CEP164: variants seen among roughly 807,000 people sequenced by gnomAD.
CEP164 encodes the protein centrosomal protein of 164 kDa.
A neutral mutation model predicts 182.7 loss-of-function variants in CEP164; 162 were observed. That is an observed-to-expected ratio of 0.89 (90% CI 0.78 to 1.01). The LOEUF (loss-of-function observed/expected upper bound fraction) is 1.01. Ranked by LOEUF, CEP164 falls within the 50% of genes least tolerant of loss-of-function variation. CEP164 has a pLI of 0.00. For missense variants in CEP164, 1,735 were observed against 1,790.4 expected, an observed-to-expected ratio of 0.97 and a Z score of 0.56; for synonymous variants, 661 against 690.0, an observed-to-expected ratio of 0.96 and a Z score of 0.66.
rs754232233 is a variant in CEP164, at chr11:117,395,472, C to T, written c.2914-75C>T. 1.8e-5 allele frequency: 26 copies of T among 1,477,734 alleles called. No homozygotes were observed. In the Admixed American group the frequency reaches 4.2e-4, roughly 24 times the overall value. 91.5% of individuals were successfully genotyped at this position (1,477,734 alleles called of 1,614,324 possible). On this transcript the variant is annotated intron_variant, in intron 23 of 32. Coordinates refer to ENST00000278935, the MANE Select transcript of CEP164 (RefSeq NM_014956.5). ...AGCCTGTCCTCCTTTGGCTTCCCTA[C>T]CCTCTCGTGCTGTCTGCTCCCTGGC...
chr11:117,404,165 A>G (rs1219606179), intron 27 of CEP164, among the ~76,000 whole-genome samples: 3 of 152,048 alleles, frequency 2.0e-5, no homozygotes, highest in Non-Finnish European at 4.4e-5. Flanking sequence ...CAGTTCGTCA[A>G]ACTCATTCTC....
chr11:117,328,515 C>T (rs2035672469), intron 1 of CEP164, among the ~76,000 whole-genome samples: 2 of 152,224 alleles, frequency 1.3e-5, no homozygotes, highest in South Asian at 4.1e-4. Flanking sequence ...TCTCCTAACT[C>T]AGTCCTTGGC....
intron 27 of CEP164, among the ~76,000 whole-genome samples, chr11:117,405,396 G>C (rs939888003): frequency 2.0e-5 from 3 of 152,130 alleles, no homozygotes; most frequent in Admixed American, 6.5e-5. Context: ...TCTTCCCTTG[G>C]CTAGGGGAGG....
At chr11:117,337,222 C>T (rs562081335) in intron 2 of CEP164, among the ~76,000 whole-genome samples, 11 of 152,104 alleles carry the variant, frequency 7.2e-5, no homozygotes, top group Non-Finnish European at 1.6e-4. Context: ...AGACAGCTGC[C>T]TTCTTGCTGT....
chr11:117,380,192 C>G (rs1201435160), intron 11 of CEP164, among the ~76,000 whole-genome samples: 3 of 152,172 alleles, frequency 2.0e-5, no homozygotes, highest in African/African-American at 7.2e-5. Context: ...GTAATTTCAG[C>G]ACGCTTGTCA....
chr11:117,356,151 A>G, intron 5 of CEP164: 1 of 1,037,116 alleles, frequency 9.6e-7, no homozygotes, highest in Non-Finnish European at 1.2e-6. Flanking sequence ...AGAGATCAAC[A>G]CTTCAGCCCC....
intron 5 of CEP164, chr11:117,355,504 T>C (rs2040202087): frequency 2.3e-6 from 3 of 1,288,926 alleles, no homozygotes; most frequent in Non-Finnish European, 3.0e-6. Flanking sequence ...TGAGCCCCAC[T>C]GGCCCTGGAG....
intron 12 of CEP164, 120 bp downstream of exon 12, chr11:117,380,825 G>GA (rs2043234380): frequency 1.2e-6 from 1 of 848,804 alleles, no homozygotes; most frequent in African/African-American, 1.7e-5. Context: ...AGCAGGTGAT[G>GA]AACTGGCTGG....
intron 27 of CEP164, among the ~76,000 whole-genome samples, chr11:117,406,805 A>G: frequency 6.6e-6 from 1 of 152,090 alleles, no homozygotes. Context: ...TAGAAATCTG[A>G]TGGTGCTCAG....
intron 27 of CEP164, among the ~76,000 whole-genome samples, chr11:117,406,223 CAG>C: frequency 6.6e-6 from 1 of 152,270 alleles, no homozygotes; most frequent in Non-Finnish European, 1.5e-5. Context: ...GGGGAAGCCT[CAG>C]AATCATGGCG....
Position 117,412,232 on chromosome 11 carries a change from C to A in CEP164, c.*64C>A. 7.0e-7 allele frequency: 1 copy of A among 1,436,318 alleles called. No homozygotes were observed. The highest frequency in any genetic ancestry group is 9.6e-7 in the Non-Finnish European group (1 of 1,042,782). The allele number at this position is 1,436,318 out of a possible 1,614,324, so 89.0% of individuals were successfully genotyped here. On this transcript the variant is annotated 3_prime_UTR_variant, in exon 33 of 33. Coordinates refer to ENST00000278935, the MANE Select transcript of CEP164 (RefSeq NM_014956.5). ...CCACCCAGACCAAGTGCCTGAGGAG[C>A]TGCCTGCCTTCTTCCATCTGAGAAA...
intron 5 of CEP164, among the ~76,000 whole-genome samples, chr11:117,354,396 C>T (rs1474276874): frequency 2.0e-5 from 3 of 152,076 alleles, no homozygotes; most frequent in African/African-American, 7.2e-5. Context: ...ATCTGGTTGG[C>T]GAGTTTCAGA....
chr11:117,335,192 CTGTG>C (rs2134882458), intron 1 of CEP164, among the ~76,000 whole-genome samples: 2 of 152,320 alleles, frequency 1.3e-5, no homozygotes, highest in South Asian at 4.2e-4. Context: ...TCGCCTCTGA[CTGTG>C]TGTGTAGCAC....
intron 3 of CEP164, among the ~76,000 whole-genome samples, chr11:117,339,336 G>A (rs1007556930): frequency 2.0e-5 from 3 of 151,974 alleles, no homozygotes; most frequent in African/African-American, 7.3e-5. Context: ...AACATAGTAG[G>A]GGGTATCTAA....
intron 8 of CEP164, among the ~76,000 whole-genome samples, chr11:117,368,609 C>T (rs1470738645): frequency 6.6e-6 from 1 of 152,150 alleles, no homozygotes; most frequent in East Asian, 1.9e-4. Flanking sequence ...GTGGGTTGGC[C>T]CTGCTTGCCG....
chr11:117,339,522 G>GTT (rs61258101), intron 3 of CEP164, among the ~76,000 whole-genome samples: 94 of 56,180 alleles, frequency 1.7e-3, no homozygotes, highest in Non-Finnish European at 2.2e-3. Context: ...TTTGTTTTTT[G>GTT]TTTTTTTTTT....
chr11:117,343,599 A>G (rs1460670446), intron 3 of CEP164, among the ~76,000 whole-genome samples: 1 of 149,976 alleles, frequency 6.7e-6, no homozygotes, highest in Non-Finnish European at 1.5e-5. Flanking sequence ...CCCTGCTGGA[A>G]TGAAGTCTTG....
rs140839493 is a variant in CEP164 at position 117,341,348 on chromosome 11, C to T, written c.82+2680C>T. Among the ~76,000 whole-genome samples, 9 of 152,264 alleles carry T rather than the reference C, an allele frequency of 5.9e-5. 1 individual carries two copies. The East Asian group carries it at 7.7e-4, about 13-fold the overall frequency. ...TGTCAGGGCTGTGCTTTTAGTCCCC[C>T]CGCATCCCCAGTATACTCAACATAA... On this transcript the variant is annotated intron_variant, in intron 3 of 32. Transcript: ENST00000278935.
rs1844274835 is a variant in CEP164, at chr11:117,411,238, T to G, written c.4163+344T>G. 2 of 302,782 alleles carry G rather than the reference T, an allele frequency of 6.6e-6. No individual in the cohort carries two copies. The highest frequency in any genetic ancestry group is 4.3e-5 in the Admixed American group (1 of 23,526). The allele number at this position is 302,782 out of a possible 1,614,324, so 18.8% of individuals were successfully genotyped here. ...CTCTAGCCCCTCCAGCCCCGGAGTCTGGCCTTTGTCTTTGCCCTTGAGCTC... is the reference window on the plus strand; with the variant it reads ...CTCTAGCCCCTCCAGCCCCGGAGTCGGGCCTTTGTCTTTGCCCTTGAGCTC... On this transcript the variant is annotated intron_variant, in intron 31 of 32. Transcript: ENST00000278935. The surrounding 1 kb of genome is among the most constrained non-coding windows in gnomAD (Gnocchi z 4.4).
Sources: gnomAD v4.1 joint callset for allele counts (sites outside exome capture counted in the v4.1 genomes callset) on GRCh38, gnomAD v4.1.1 for gene constraint, Gnocchi (gnomAD v3.1) non-coding constraint, MANE v1.5 for transcripts, NCBI Gene and HGNC (gene_info 2026-07-23, HGNC 2026-07-21) for gene names.